The following OPHN1 variants were observed in gnomAD, a reference collection of about 807,000 sequenced individuals.
The protein encoded by OPHN1 is oligophrenin-1.
A neutral mutation model predicts 60.7 loss-of-function variants in OPHN1; 11 were observed. That is an observed-to-expected ratio of 0.18 (90% CI 0.11 to 0.30). The LOEUF is 0.30. Ranked by LOEUF, OPHN1 falls within the 10% of genes least tolerant of loss-of-function variation. OPHN1 has a pLI of 1.00. For missense variants in OPHN1, 449 were observed against 611.0 expected, an observed-to-expected ratio of 0.73 and a Z score of 2.80; for synonymous variants, 226 against 222.6, an observed-to-expected ratio of 1.02 and a Z score of -0.14.
chrX:68,422,616 G>GAT (rs1367934008), intron 2 of OPHN1, among the ~76,000 whole-genome samples: 8 of 31,526 alleles, frequency 2.5e-4, no homozygotes, highest in Admixed American at 9.8e-4. Flanking sequence ...GAAAAAGAGA[G>GAT]AGAGAAAGAA....
chrX:68,226,905 T>C (rs1427681933), intron 6 of OPHN1, among the ~76,000 whole-genome samples: 1 of 111,666 alleles, frequency 9.0e-6, no homozygotes, highest in Non-Finnish European at 1.9e-5. Flanking sequence ...GTAAATGGGC[T>C]AAATGCTCCA....
At position 68,322,008 on chromosome X, in the gene OPHN1, GT is replaced by G. The variant is rs1384468032; in HGVS notation, c.155-22913del. ...TATTTTTCAGACAGGGTCTCACTCT[GT>G]CACCCAGGCTGGAGTGCAGTGGCGC... On this transcript the variant is annotated intron_variant, in intron 2 of 24. Coordinates refer to ENST00000355520, the MANE Select transcript of OPHN1 (RefSeq NM_002547.3). Among the ~76,000 whole-genome samples the G allele has an allele frequency of 3.4e-3, 381 of 110,813 alleles. 2 individuals are homozygous for G. Among genetic ancestry groups the G allele is most frequent in the African/African-American group, 0.012 (366 of 30,274 alleles).
In OPHN1 at chrX:68,064,134, G is replaced by T; in HGVS notation, c.1878C>A (p.Ser626Arg). The T allele has an allele frequency of 8.3e-7, 1 of 1,211,209 alleles. No homozygotes were observed. The highest frequency in any genetic ancestry group is 2.3e-4 in the Middle Eastern group (1 of 4,350). The change falls in exon 21 of 25, where the codon AGC becomes AGA. Residue 626 changes from serine to arginine, a missense_variant. Physicochemically the swap from Ser to Arg is moderately radical, Grantham distance 110. Around this residue, in one of 4 missense-constraint regions of OPHN1, gnomAD observed 184 missense variants for 160.5 expected, o/e 1.15. Transcript: ENST00000355520. The stretch of plus-strand genomic sequence containing the variant: ...GTTGTGGTGGCTTGGGGGGTTCTAT[G>T]CTGCTGGTGATAGTACCATTCGGTG... ...HQTPNGTITS[S>R]IEPPKPPQHP...
intron 5 of OPHN1, among the ~76,000 whole-genome samples, chrX:68,244,619 A>G (rs1264496253): frequency 8.9e-6 from 1 of 112,337 alleles, no homozygotes; most frequent in South Asian, 3.7e-4. Context: ...TGACTATAAC[A>G]TCAGAATACT....
At chrX:68,149,838 T>C (rs1340394963) in intron 15 of OPHN1, among the ~76,000 whole-genome samples, 1 of 110,468 alleles carries the variant, frequency 9.1e-6, no homozygotes, top group Non-Finnish European at 1.9e-5. Flanking sequence ...CTCAAACAAG[T>C]ACATGGACAT....
chrX:68,097,606 G>A (rs945897340), intron 18 of OPHN1, among the ~76,000 whole-genome samples: 1 of 111,738 alleles, frequency 8.9e-6, no homozygotes, highest in Non-Finnish European at 1.9e-5. Context: ...AGAGTAGAAC[G>A]TGCAATCCCA....
chrX:68,384,501 C>T (rs2078614094), intron 2 of OPHN1, among the ~76,000 whole-genome samples: 1 of 111,860 alleles, frequency 8.9e-6, no homozygotes, highest in Admixed American at 9.5e-5. Context: ...AGGTAGATCA[C>T]CTGAGGTCAG....
intron 3 of OPHN1, among the ~76,000 whole-genome samples, chrX:68,292,063 C>T (rs1170878892): frequency 9.0e-6 from 1 of 111,679 alleles, no homozygotes; most frequent in Non-Finnish European, 1.9e-5. Context: ...AATGTTCTTG[C>T]TTTCCACAGT....
intron 6 of OPHN1, among the ~76,000 whole-genome samples, chrX:68,215,060 C>T (rs2147486773): frequency 9.0e-6 from 1 of 110,826 alleles, no homozygotes; most frequent in East Asian, 2.8e-4. Flanking sequence ...ATGATAAGGG[C>T]TCTAATATAA....
At chrX:68,190,931 G>A (rs1305996553) in intron 15 of OPHN1, among the ~76,000 whole-genome samples, 1 of 111,925 alleles carries the variant, frequency 8.9e-6, no homozygotes, top group African/African-American at 3.3e-5. Flanking sequence ...AACAGATGAT[G>A]AGGTACTAAT....
chrX:68,060,346 C>A (rs2076888545), intron 21 of OPHN1, among the ~76,000 whole-genome samples: 1 of 111,350 alleles, frequency 9.0e-6, no homozygotes, highest in Non-Finnish European at 1.9e-5. Context: ...ATCTCTGCAC[C>A]TTACAACCTA....
intron 15 of OPHN1, among the ~76,000 whole-genome samples, chrX:68,184,874 G>A (rs1408298563): frequency 1.8e-5 from 2 of 112,438 alleles, no homozygotes; most frequent in African/African-American, 6.5e-5. Flanking sequence ...GGGATTACCG[G>A]CTTGAGCCAC....
At chrX:68,255,740 AACAC>A (rs747223446) in intron 5 of OPHN1, among the ~76,000 whole-genome samples, 8 of 101,105 alleles carry the variant, frequency 7.9e-5, no homozygotes, top group African/African-American at 2.9e-4. Context: ...CACACACACA[AACAC>A]ACACACACAC....
At chrX:68,255,718 T>C (rs1418399673) in intron 5 of OPHN1, among the ~76,000 whole-genome samples, 1 of 109,140 alleles carries the variant, frequency 9.2e-6, no homozygotes, top group Non-Finnish European at 1.9e-5. Context: ...TAAACCCCGC[T>C]CTACATACAC....
intron 2 of OPHN1, among the ~76,000 whole-genome samples, chrX:68,306,755 T>C (rs761977290): frequency 1.8e-4 from 20 of 111,724 alleles, no homozygotes; most frequent in African/African-American, 6.5e-4. Context: ...CAGGGTCTCA[T>C]TGTGTCACCC....
intron 2 of OPHN1, among the ~76,000 whole-genome samples, chrX:68,387,142 A>G (rs951512203): frequency 2.7e-5 from 3 of 110,631 alleles, no homozygotes; most frequent in East Asian, 2.9e-4. Flanking sequence ...ATGTCCAAAC[A>G]AAACTCAACT....
At chrX:68,070,095 C>T (rs571795985) in intron 20 of OPHN1, among the ~76,000 whole-genome samples, 2 of 111,308 alleles carry the variant, frequency 1.8e-5, no homozygotes, top group African/African-American at 6.5e-5. Flanking sequence ...TCAATGGACA[C>T]TTTTATTGTC....
At chrX:68,317,381 AAGG>A (rs1569278157) in intron 2 of OPHN1, among the ~76,000 whole-genome samples, 1,033 of 76,839 alleles carry the variant, frequency 0.013, 6 homozygotes, top group Non-Finnish European at 0.02. Context: ...GAAAGAAAGG[AAGG>A]AAGGAAGGAA....
intron 18 of OPHN1, among the ~76,000 whole-genome samples, chrX:68,108,989 T>C (rs768024309): frequency 8.9e-6 from 1 of 111,893 alleles, no homozygotes; most frequent in South Asian, 3.7e-4. Flanking sequence ...TAGTTTATTT[T>C]TATAATACAT....
Sources: allele counts gnomAD v4.1 joint callset (sites outside exome capture counted in the v4.1 genomes callset), GRCh38; gene constraint gnomAD v4.1.1; regional missense constraint gnomAD v4.1.1; transcripts MANE v1.5; gene names NCBI Gene and HGNC (gene_info 2026-07-23, HGNC 2026-07-21).